NWD1: variants seen among roughly 807,000 people sequenced by gnomAD.
NWD1 encodes the protein NACHT and WD repeat domain containing 1, also known as NACHT domain- and WD repeat-containing protein 1.
NWD1 carries 129 observed loss-of-function variants against 135.1 expected under a neutral mutation model. The observed-to-expected ratio is 0.96, with a 90% CI of 0.83 to 1.11. The LOEUF (loss-of-function observed/expected upper bound fraction) is 1.11. Ranked by LOEUF, NWD1 falls within the 50% of genes least tolerant of loss-of-function variation. The pLI is 0.00. For missense variants in NWD1, 1,740 were observed against 1,851.3 expected (o/e 0.94, Z 1.10); for synonymous variants, 773 against 786.0 (o/e 0.98, Z 0.28).
chr19:16,731,461 C>A (rs1282753940), intron 3 of NWD1, among the ~76,000 whole-genome samples, 183 bp downstream of exon 3: 8 of 151,660 alleles, frequency 5.3e-5, no homozygotes, highest in Admixed American at 1.3e-4. Context: ...CGTGCGCCAC[C>A]ACGCCCAGCT....
chr19:16,806,310 G>T (rs998019158), intron 17 of NWD1, among the ~76,000 whole-genome samples: 7 of 152,122 alleles, frequency 4.6e-5, no homozygotes, highest in Non-Finnish European at 1.0e-4. Context: ...CCTGGGAATT[G>T]CCCACTGATG....
chr19:16,763,811 C>T lies in NWD1; in HGVS notation c.2134-17C>T. 2.0e-6 allele frequency: 3 copies of T among 1,534,588 alleles called. No individual in the cohort carries two copies. The South Asian group carries it at 3.4e-5, about 17-fold the overall frequency. The stretch of plus-strand genomic sequence containing the variant: ...TGGGTTTGTGTCCAAGCTGCAGTCT[C>T]CCTTCTCCTCTGCCAGGTGGCCCCG... On this transcript the variant is annotated splice_polypyrimidine_tract_variant and intron_variant, in intron 8 of 18. Transcript: ENST00000524140.
chr19:16,742,357 A>G (rs1018677048), intron 4 of NWD1, among the ~76,000 whole-genome samples: 13 of 152,296 alleles, frequency 8.5e-5, no homozygotes, highest in African/African-American at 3.1e-4. Flanking sequence ...CCTGGGCGAC[A>G]GAGGGAGATT....
intron 17 of NWD1, among the ~76,000 whole-genome samples, chr19:16,807,298 A>T (rs1970777944): frequency 6.6e-6 from 1 of 152,074 alleles, no homozygotes; most frequent in African/African-American, 2.4e-5. Flanking sequence ...GTTAGAGACC[A>T]GCCTGGCCAA....
At position 16,807,908 on chromosome 19, in the gene NWD1, C is replaced by T. The variant is rs776166331; in HGVS notation, c.4059C>T (p.Ser1353=). 101 of 1,614,062 alleles carry T rather than the reference C, an allele frequency of 6.3e-5. No homozygotes were observed. Among genetic ancestry groups the T allele is most frequent in the Non-Finnish European group, 7.6e-5 (90 of 1,180,040 alleles). The change falls in exon 18 of 19, where the codon AGC becomes AGT. Residue 1353 remains serine (S), a synonymous_variant. Coordinates refer to ENST00000524140, the MANE Select transcript of NWD1 (RefSeq NM_001007525.5). ...CTCAGCTGCCCGAGACCCTCTCCAG[C>T]GTGGCCATTCTGACGGACTACCGCG... ...FYTQLPETLS[S]VAILTDYRVV...
At chr19:16,731,370 G>C (rs951036880) in intron 3 of NWD1, 92 bp downstream of exon 3, 7 of 720,576 alleles carry the variant, frequency 9.7e-6, no homozygotes, top group Non-Finnish European at 1.6e-5. Flanking sequence ...GCAGTGGTGC[G>C]ATCTCGGCTC....
At chr19:16,772,139 G>A (rs1450371249) in intron 10 of NWD1, among the ~76,000 whole-genome samples, 3 of 152,094 alleles carry the variant, frequency 2.0e-5, no homozygotes, top group Non-Finnish European at 2.9e-5. Context: ...GTCGAGGAAG[G>A]AGGATATCTT....
chr19:16,755,209 A>C (rs554767664), intron 6 of NWD1, among the ~76,000 whole-genome samples: 184 of 151,658 alleles, frequency 1.2e-3, no homozygotes, highest in Middle Eastern at 3.5e-3. Context: ...TATCATTAAT[A>C]TCTCTCTCTC....
At chr19:16,809,545 T>C (rs1468005983) in intron 18 of NWD1, among the ~76,000 whole-genome samples, 1 of 138,980 alleles carries the variant, frequency 7.2e-6, no homozygotes, top group East Asian at 2.0e-4. Context: ...CTTTTTTTTT[T>C]TCTTTTTCTT....
rs1297909953 is a variant in NWD1 at position 16,807,810 on chromosome 19, A to T, written c.3961A>T (p.Ile1321Phe). The T allele has an allele frequency of 6.2e-7, 1 of 1,614,000 alleles. No homozygotes were observed. The highest frequency in any genetic ancestry group is 2.2e-5 in the East Asian group (1 of 44,866). ...EDRLAIAYDN[I>F]VLVLDITSGD... Reference sequence around the variant, plus strand: ...CCGCCTGGCCATCGCCTATGACAACATCGTCCTGGTGCTGGACATCACCTC... The same window carrying T: ...CCGCCTGGCCATCGCCTATGACAACTTCGTCCTGGTGCTGGACATCACCTC... The change falls in exon 18 of 19, where the codon ATC becomes TTC. Residue 1321 changes from isoleucine (I) to phenylalanine (F), a missense_variant. Ile to Phe is a conservative substitution (Grantham distance 21, BLOSUM62 0). Coordinates refer to ENST00000524140, the MANE Select transcript of NWD1 (RefSeq NM_001007525.5).
At chr19:16,813,314 G>A (rs1332110136) in intron 18 of NWD1, among the ~76,000 whole-genome samples, 3 of 152,084 alleles carry the variant, frequency 2.0e-5, no homozygotes, top group African/African-American at 7.2e-5. Flanking sequence ...CTGTTTCCAG[G>A]TGTTTGTGAA....
chr19:16,743,654 A>T (rs1016214184), intron 4 of NWD1, among the ~76,000 whole-genome samples: 1 of 149,754 alleles, frequency 6.7e-6, no homozygotes, highest in Admixed American at 6.6e-5. Flanking sequence ...GAAACCATAC[A>T]TATTTATTTA....
At chr19:16,767,577 G>T (rs1019502775) in intron 10 of NWD1, among the ~76,000 whole-genome samples, 1 of 151,796 alleles carries the variant, frequency 6.6e-6, no homozygotes, top group African/African-American at 2.4e-5. Context: ...ATCCCACCAT[G>T]CACTCCAGCC....
chr19:16,783,045 T>C (rs567248418), intron 12 of NWD1, among the ~76,000 whole-genome samples: 7 of 150,400 alleles, frequency 4.7e-5, no homozygotes, highest in Non-Finnish European at 7.4e-5. Context: ...TTCTTTCTTT[T>C]TTTTTTTTCA....
chr19:16,785,451 C>T (rs1485134701), intron 12 of NWD1, among the ~76,000 whole-genome samples: 1 of 151,548 alleles, frequency 6.6e-6, no homozygotes, highest in Admixed American at 6.6e-5. Flanking sequence ...TGGGAGGTTG[C>T]AGTGAGCCGA....
At chr19:16,736,532 C>A in intron 3 of NWD1, 102 bp from the exon 4 acceptor site, 1 of 764,616 alleles carries the variant, frequency 1.3e-6, no homozygotes, top group Non-Finnish European at 2.2e-6. Context: ...AAGAGGCTGT[C>A]AAAAATTTTT....
Position 16,779,434 on chromosome 19 carries a change from G to A in NWD1, c.2700G>A (p.Gln900=). 1.9e-6 allele frequency: 3 copies of A among 1,613,598 alleles called. No homozygotes were observed. The highest frequency in any genetic ancestry group is 2.5e-6 in the Non-Finnish European group (3 of 1,179,930). The change falls in exon 12 of 19, where the codon CAG becomes CAA. Residue 900 remains glutamine (Q), a synonymous_variant. Transcript: ENST00000524140. ...TGGCTGTGTGGGACATGGAAGAGCA[G>A]CATGTGATCCACATGCTAACTGGAC... ...GIMAVWDMEE[Q]HVIHMLTGHT...
intron 5 of NWD1, chr19:16,744,932 T>C (rs1968243931): frequency 1.5e-6 from 1 of 651,474 alleles, no homozygotes; most frequent in South Asian, 1.7e-5. Flanking sequence ...GATCTTCCTC[T>C]CCTCGCTGGC....
intron 5 of NWD1, among the ~76,000 whole-genome samples, chr19:16,747,968 T>C (rs1968394160): frequency 6.6e-6 from 1 of 152,072 alleles, no homozygotes; most frequent in Non-Finnish European, 1.5e-5. Flanking sequence ...CATTCATCTG[T>C]TGATGGATGT....
Sources: allele counts gnomAD v4.1 joint callset (sites outside exome capture counted in the v4.1 genomes callset), GRCh38; gene constraint gnomAD v4.1.1; transcripts MANE v1.5; gene names NCBI Gene and HGNC (gene_info 2026-07-23, HGNC 2026-07-21).